The following TNPO3 variants were observed in gnomAD, a reference collection of about 807,000 sequenced individuals.
TNPO3 encodes transportin-3.
A neutral mutation model predicts 122.8 loss-of-function variants in TNPO3; 65 were observed. That is an observed-to-expected ratio of 0.53 (90% confidence interval 0.43 to 0.65). The LOEUF (loss-of-function observed/expected upper bound fraction) is 0.65. Ranked by LOEUF, TNPO3 falls within the 30% of genes least tolerant of loss-of-function variation. The probability of loss-of-function intolerance (pLI) is 0.00; values close to 1 mark genes in which losing one functional copy is unlikely to be tolerated. For missense variants in TNPO3, 850 were observed against 1,136.7 expected (o/e 0.75, Z 3.63); for synonymous variants, 372 against 411.2 (o/e 0.90, Z 1.15).
intron 16 of TNPO3, among the ~76,000 whole-genome samples, chr7:128,976,964 C>T (rs1417331220): frequency 1.3e-5 from 2 of 152,186 alleles, no homozygotes; most frequent in Non-Finnish European, 2.9e-5. Context: ...AAGTATAGAT[C>T]TTATCCACCA....
intron 19 of TNPO3, chr7:128,970,762 C>A (rs894121821): frequency 1.3e-5 from 2 of 154,956 alleles, no homozygotes; most frequent in African/African-American, 4.8e-5. Flanking sequence ...CACCATAGTC[C>A]CAGCCACTCC....
intron 8 of TNPO3, 79 bp from the exon 9 acceptor site, chr7:128,993,993 A>G (rs1585340505): frequency 7.7e-7 from 1 of 1,301,634 alleles, no homozygotes; most frequent in East Asian, 2.3e-5. Context: ...AGAAGAAGAA[A>G]AAAACCATTA....
chr7:129,019,781 G>A (rs539711839), intron 1 of TNPO3, among the ~76,000 whole-genome samples: 9 of 152,158 alleles, frequency 5.9e-5, no homozygotes, highest in Admixed American at 3.3e-4. Context: ...ATCACCTAAG[G>A]TCAGGAGTTC....
chr7:129,004,881 G>A (rs1802396799), intron 5 of TNPO3, 135 bp downstream of exon 5: 1 of 762,184 alleles, frequency 1.3e-6, no homozygotes, highest in East Asian at 2.7e-5. Context: ...TCGTAGCAAG[G>A]AAGGAACATT....
Position 128,967,271 on chromosome 7 carries a change from A to T in TNPO3, c.2711+9T>A. 6.5e-7 allele frequency: 1 copy of T among 1,549,054 alleles called. No individual in the cohort carries two copies. Among genetic ancestry groups the T allele is most frequent in the East Asian group, 2.2e-5 (1 of 44,528 alleles). ...CCACACCTCCTTAAGAACCCCCAGT[A>T]TCACTCACCTAGTGACTTGCTTGTG... On this transcript the variant is annotated intron_variant, in intron 21 of 22. Coordinates refer to ENST00000265388, the MANE Select transcript of TNPO3 (RefSeq NM_012470.4).
rs535863214 is a variant in TNPO3, at chr7:129,005,263, C to T, written c.553-104G>A. The T allele has an allele frequency of 2.7e-6, 3 of 1,121,142 alleles. No homozygotes were observed. In the Admixed American group the frequency reaches 7.5e-5, roughly 28 times the overall value. 69.4% of individuals were successfully genotyped at this position (1,121,142 alleles called of 1,614,324 possible). On this transcript the variant is annotated intron_variant, in intron 4 of 22. Transcript: ENST00000265388. ...AATAATGAGAAAGATGGCAATAAAA[C>T]AGCCAACGGTTAAAAGTGCTTTTTA...
chr7:128,994,422 T>C (rs769113553), intron 8 of TNPO3, among the ~76,000 whole-genome samples: 10 of 151,984 alleles, frequency 6.6e-5, no homozygotes, highest in Non-Finnish European at 1.5e-4. Context: ...CCTCCCAAAG[T>C]GTTAGCCACC....
chr7:129,022,965 C>T (rs1382009383), intron 1 of TNPO3, among the ~76,000 whole-genome samples: 2 of 152,026 alleles, frequency 1.3e-5, no homozygotes, highest in East Asian at 1.9e-4. Flanking sequence ...AAATGAAAGT[C>T]GAAAGAGAAG....
chr7:128,990,769 C>G (rs1041407933), intron 10 of TNPO3, among the ~76,000 whole-genome samples: 2 of 152,174 alleles, frequency 1.3e-5, no homozygotes, highest in Non-Finnish European at 2.9e-5. Flanking sequence ...CTCTGTCCCC[C>G]ACAAAATATA....
chr7:128,970,449 T>G, intron 19 of TNPO3, 134 bp from the exon 20 acceptor site: 1 of 694,618 alleles, frequency 1.4e-6, no homozygotes. Flanking sequence ...TGTGTGTGTG[T>G]GTATGCAGGT....
intron 12 of TNPO3, among the ~76,000 whole-genome samples, chr7:128,985,222 T>C (rs1800021382): frequency 6.6e-6 from 1 of 152,262 alleles, no homozygotes; most frequent in Admixed American, 6.5e-5. Flanking sequence ...GTTAGACTTT[T>C]CTTTAAAACT....
chr7:129,003,177 T>C (rs1802178169), intron 5 of TNPO3, among the ~76,000 whole-genome samples: 1 of 149,434 alleles, frequency 6.7e-6, no homozygotes, highest in Non-Finnish European at 1.5e-5. Context: ...GAGCCGAGAT[T>C]GTGCCACTGC....
intron 21 of TNPO3, among the ~76,000 whole-genome samples, chr7:128,963,932 T>G (rs180775564): frequency 6.6e-6 from 1 of 152,148 alleles, no homozygotes; most frequent in South Asian, 2.1e-4. Context: ...AAGCCTCCCT[T>G]CCCCTCCTAG....
chr7:129,005,782 CTT>C (rs1186834521), intron 4 of TNPO3, among the ~76,000 whole-genome samples: 121 of 132,240 alleles, frequency 9.2e-4, no homozygotes, highest in African/African-American at 2.8e-3. Flanking sequence ...CTTTTCTTTT[CTT>C]TTTTTTTTTT....
At chr7:129,020,293 A>G (rs2150446096) in intron 1 of TNPO3, among the ~76,000 whole-genome samples, 1 of 152,308 alleles carries the variant, frequency 6.6e-6, no homozygotes, top group Middle Eastern at 3.4e-3. Context: ...CAAATGTTTA[A>G]TTAATTAATG....
intron 7 of TNPO3, among the ~76,000 whole-genome samples, chr7:128,998,499 G>C (rs141580606): frequency 1.3e-5 from 2 of 152,150 alleles, no homozygotes; most frequent in African/African-American, 4.8e-5. Flanking sequence ...GAGGACTACA[G>C]GCGCTTGCCA....
At chr7:129,008,672 A>G (rs1278907979) in intron 4 of TNPO3, among the ~76,000 whole-genome samples, 1 of 152,216 alleles carries the variant, frequency 6.6e-6, no homozygotes, top group Non-Finnish European at 1.5e-5. Context: ...GAACGGAGTA[A>G]CTAAGTTCCC....
chr7:129,012,664 G>A (rs371140359), intron 4 of TNPO3, among the ~76,000 whole-genome samples: 1 of 152,190 alleles, frequency 6.6e-6, no homozygotes. Flanking sequence ...TATTCAACCT[G>A]TATCCACATT....
At chr7:129,043,776 G>A (rs1021656325) in intron 1 of TNPO3, among the ~76,000 whole-genome samples, 7 of 152,194 alleles carry the variant, frequency 4.6e-5, no homozygotes, top group African/African-American at 7.2e-5. Context: ...AGCATTACTC[G>A]ATAATCTTTT....
Sources: gnomAD v4.1 joint callset for allele counts (sites outside exome capture counted in the v4.1 genomes callset) on GRCh38, gnomAD v4.1.1 for gene constraint, MANE v1.5 for transcripts, NCBI Gene and HGNC (gene_info 2026-07-23, HGNC 2026-07-21) for gene names.